The following TUT4 variants were observed in gnomAD, a reference collection of about 807,000 sequenced individuals.
TUT4 encodes the protein terminal uridylyltransferase 4.
TUT4 carries 36 observed loss-of-function variants against 192.2 expected under a neutral mutation model. The observed-to-expected ratio is 0.19, with a 90% CI of 0.14 to 0.25. The LOEUF is 0.25. Ranked by LOEUF, TUT4 falls within the 10% of genes least tolerant of loss-of-function variation. The pLI is 1.00. For synonymous variants in TUT4, 618 were observed against 666.0 expected, an observed-to-expected ratio of 0.93 and a Z score of 1.11; for missense variants, 1,493 against 1,957.2, an observed-to-expected ratio of 0.76 and a Z score of 4.47.
At chr1:52,544,212 T>A (rs937185011) in intron 1 of TUT4, among the ~76,000 whole-genome samples, 1 of 149,686 alleles carries the variant, frequency 6.7e-6, no homozygotes, top group Non-Finnish European at 1.5e-5. Flanking sequence ...GGCATGAACC[T>A]GGGAGGCGGA....
chr1:52,525,452 A>T (rs1055554036), intron 2 of TUT4, 111 bp downstream of exon 2: 1 of 1,376,158 alleles, frequency 7.3e-7, no homozygotes, highest in Non-Finnish European at 9.6e-7. Context: ...ATACGGGAAC[A>T]AAAGTGCTAA....
intron 22 of TUT4, 114 bp from the exon 23 acceptor site, chr1:52,446,118 C>T: frequency 7.7e-7 from 1 of 1,298,334 alleles, no homozygotes; most frequent in Non-Finnish European, 1.1e-6. Flanking sequence ...TACAAATCAG[C>T]AAACTCTTCC....
intron 2 of TUT4, among the ~76,000 whole-genome samples, chr1:52,522,967 A>T (rs995088544): frequency 6.7e-6 from 1 of 149,842 alleles, no homozygotes; most frequent in African/African-American, 2.4e-5. Flanking sequence ...ACCAATTCAA[A>T]TAACAAGACC....
At chr1:52,550,082 T>C (rs1421922491) in intron 1 of TUT4, among the ~76,000 whole-genome samples, 1 of 152,142 alleles carries the variant, frequency 6.6e-6, no homozygotes, top group Non-Finnish European at 1.5e-5. Context: ...GTGTGGTTTA[T>C]TTGAATATAG....
At position 52,431,402 on chromosome 1, in the gene TUT4, G is replaced by A; in HGVS notation, c.4322C>T (p.Ser1441Leu). The change falls in exon 28 of 30, where the codon TCA becomes TTA. Residue 1441 changes from serine to leucine, a missense_variant. Around this residue, in one of 7 missense-constraint regions of TUT4, gnomAD observed 351 missense variants for 397.8 expected, o/e 0.88. Transcript: ENST00000257177. ...AGATGAAGGCTGAGTAATAGCAGCT[G>A]ACTGGGAAGAGTTCTGTGGAAATGG... ...PQPFPQNSSQ[S>L]AAITQPSSQP... is the part of the protein sequence containing the mutation. The A allele has an allele frequency of 4.3e-6, 7 of 1,614,114 alleles. No homozygotes were observed. Among genetic ancestry groups the A allele is most frequent in the Non-Finnish European group, 5.9e-6 (7 of 1,180,014 alleles).
Position 52,505,418 on chromosome 1 carries a change from C to CTTT in TUT4, c.999+4175_999+4177dup, listed in dbSNP as rs35140317. 3.2e-3 allele frequency among the ~76,000 whole-genome samples: 354 copies of CTTT among 109,504 alleles called. 8 individuals are homozygous for CTTT. Among genetic ancestry groups the CTTT allele is most frequent in the Middle Eastern group, 4.9e-3 (1 of 204 alleles). The allele number at this position is 109,504 out of a possible 152,430, so 71.8% of individuals were successfully genotyped here. A position where few individuals can be genotyped will look rare whatever the true frequency, so the allele number is the denominator to read the frequency against. On this transcript the variant is annotated intron_variant, in intron 4 of 29. Transcript: ENST00000257177. ...GTCTTCTACTCCTAGTTTGCTTAGA[C>CTTT]TTTTTTTTTTTTTTTTTTTTTGAGA...
At chr1:52,427,738 C>T (rs1326348969) in intron 28 of TUT4, among the ~76,000 whole-genome samples, 1 of 152,172 alleles carries the variant, frequency 6.6e-6, no homozygotes, top group African/African-American at 2.4e-5. Flanking sequence ...TGGATACTGG[C>T]AACAATTATC....
At chr1:52,453,601 A>T (rs772403986) in intron 20 of TUT4, among the ~76,000 whole-genome samples, 1 of 152,098 alleles carries the variant, frequency 6.6e-6, no homozygotes, top group Non-Finnish European at 1.5e-5. Context: ...ATCTACAAAA[A>T]TCCTACAGCT....
chr1:52,547,618 A>T (rs1285580583), intron 1 of TUT4, among the ~76,000 whole-genome samples: 1 of 152,202 alleles, frequency 6.6e-6, no homozygotes, highest in African/African-American at 2.4e-5. Context: ...AAGTAGAAAT[A>T]ACCCAAATGT....
Position 52,474,595 on chromosome 1 carries a change from T to C in TUT4, c.2727+237A>G, listed in dbSNP as rs1666627739. On this transcript the variant is annotated intron_variant, in intron 13 of 29. Coordinates refer to ENST00000257177, the MANE Select transcript of TUT4 (RefSeq NM_001009881.3). ...ATGAAATATCAGATGAATCCTTTCA[T>C]ATATGAGAAAGTAAAGGAAACCAAC... Among the ~76,000 whole-genome samples the C allele has an allele frequency of 2.0e-5, 3 of 152,184 alleles. No individual in the cohort carries two copies. In the South Asian group the frequency reaches 6.2e-4, roughly 31 times the overall value.
At chr1:52,547,490 A>G (rs1342864208) in intron 1 of TUT4, among the ~76,000 whole-genome samples, 1 of 152,132 alleles carries the variant, frequency 6.6e-6, no homozygotes, top group Non-Finnish European at 1.5e-5. Flanking sequence ...AGTTAATCAT[A>G]AGTTTATCGA....
intron 24 of TUT4, 129 bp downstream of exon 24, chr1:52,445,658 A>G: frequency 1.4e-6 from 1 of 689,832 alleles, no homozygotes; most frequent in Non-Finnish European, 2.4e-6. Flanking sequence ...TGATAAATGC[A>G]ATAAGAAAAA....
At chr1:52,481,398 A>T in intron 11 of TUT4, 25 bp downstream of exon 11, 1 of 1,610,332 alleles carries the variant, frequency 6.2e-7, no homozygotes, top group South Asian at 1.1e-5. Flanking sequence ...TAGAAAAGCC[A>T]AAAAACAAAA....
intron 9 of TUT4, among the ~76,000 whole-genome samples, chr1:52,486,651 T>C (rs960383461): frequency 6.6e-6 from 1 of 152,212 alleles, no homozygotes; most frequent in Non-Finnish European, 1.5e-5. Context: ...AAAAACTTTC[T>C]TTGCAACTAA....
At chr1:52,479,665 G>C (rs1292661699) in intron 11 of TUT4, among the ~76,000 whole-genome samples, 1 of 152,068 alleles carries the variant, frequency 6.6e-6, no homozygotes, top group Non-Finnish European at 1.5e-5. Context: ...TTGAGGGGAG[G>C]ATCAGGAATT....
intron 1 of TUT4, among the ~76,000 whole-genome samples, chr1:52,546,035 A>G (rs1688012798): frequency 6.6e-6 from 1 of 151,556 alleles, no homozygotes; most frequent in Non-Finnish European, 1.5e-5. Context: ...CCTACTCAAG[A>G]GGCTGAGGTG....
Position 52,490,276 on chromosome 1 carries a change from G to A in TUT4, c.1388+456C>T, listed in dbSNP as rs1157161062. On this transcript the variant is annotated intron_variant, in intron 8 of 29. Transcript: ENST00000257177. ...GGCCATCCTCCCACCTCAGCCTCCC[G>A]AGTAGCTGGGACCACAGGCACACAC... 2.7e-5 allele frequency among the ~76,000 whole-genome samples: 4 copies of A among 148,576 alleles called. No individual in the cohort carries two copies. The South Asian group carries it at 6.6e-4, about 25-fold the overall frequency.
chr1:52,430,247 A>G (rs572105453), intron 28 of TUT4, among the ~76,000 whole-genome samples: 6 of 152,250 alleles, frequency 3.9e-5, no homozygotes, highest in African/African-American at 1.4e-4. Flanking sequence ...AAATTCGTTT[A>G]ACTCTTGGAC....
intron 4 of TUT4, among the ~76,000 whole-genome samples, chr1:52,508,536 A>T (rs1437534382): frequency 6.6e-6 from 1 of 152,160 alleles, no homozygotes; most frequent in African/African-American, 2.4e-5. Context: ...AGGAACTCAG[A>T]AACAAAAATA....
Sources: allele counts gnomAD v4.1 joint callset (sites outside exome capture counted in the v4.1 genomes callset), GRCh38; gene constraint gnomAD v4.1.1; regional missense constraint gnomAD v4.1.1; transcripts MANE v1.5; gene names NCBI Gene and HGNC (gene_info 2026-07-23, HGNC 2026-07-21).